Variants in LRRC4C observed in about 807,000 individuals in gnomAD.
LRRC4C encodes leucine-rich repeat-containing protein 4C.
LRRC4C carries 5 observed loss-of-function variants against 33.6 expected under a neutral mutation model. The ratio of observed to expected loss-of-function variants is 0.15; its 90% confidence interval spans 0.08 to 0.31. The LOEUF (loss-of-function observed/expected upper bound fraction) is 0.31. Ranked by LOEUF, LRRC4C falls within the 10% of genes least tolerant of loss-of-function variation. The probability of loss-of-function intolerance (pLI) is 1.00; values close to 1 mark genes in which losing one functional copy is unlikely to be tolerated. For missense variants in LRRC4C, 560 were observed against 796.7 expected (o/e 0.70, Z 3.58); for synonymous variants, 329 against 302.0 (o/e 1.09, Z -0.93).
intron 3 of LRRC4C, among the ~76,000 whole-genome samples, chr11:40,503,962 C>A (rs991125143): frequency 6.6e-6 from 1 of 152,040 alleles, no homozygotes; most frequent in African/African-American, 2.4e-5. Context: ...TGGCAGTAAA[C>A]CATGGCGTTT....
At chr11:40,381,029 C>T (rs1948843047) in intron 3 of LRRC4C, among the ~76,000 whole-genome samples, 1 of 152,108 alleles carries the variant, frequency 6.6e-6, no homozygotes, top group Admixed American at 6.6e-5. Context: ...CATTGTTTCC[C>T]TAACAACCGC....
chr11:40,605,526 T>G (rs1218667743), intron 3 of LRRC4C, among the ~76,000 whole-genome samples: 2 of 152,132 alleles, frequency 1.3e-5, no homozygotes, highest in Admixed American at 6.6e-5. Flanking sequence ...GGAAAATTTA[T>G]TGCACTTGTT....
At chr11:40,445,895 T>C (rs1951613454) in intron 3 of LRRC4C, 1 of 152,266 alleles carries the variant, frequency 6.6e-6, no homozygotes, top group African/African-American at 2.4e-5. Context: ...CAGGAGGTTT[T>C]CCCACACTCA....
At chr11:40,853,009 A>G (rs955584537) in intron 2 of LRRC4C, among the ~76,000 whole-genome samples, 3 of 152,214 alleles carry the variant, frequency 2.0e-5, no homozygotes, top group Non-Finnish European at 4.4e-5. Flanking sequence ...AGATGTTTTT[A>G]TCAATGCTGA....
At chr11:40,776,958 A>G (rs1028519904) in intron 2 of LRRC4C, among the ~76,000 whole-genome samples, 1 of 152,130 alleles carries the variant, frequency 6.6e-6, no homozygotes. Flanking sequence ...GAATTTTTTG[A>G]TATCTGCCTT....
At chr11:41,060,844 C>T (rs567179128) in intron 1 of LRRC4C, among the ~76,000 whole-genome samples, 1 of 152,134 alleles carries the variant, frequency 6.6e-6, no homozygotes, top group Non-Finnish European at 1.5e-5. Context: ...TCTCTGTCTT[C>T]ATTCTCTTAT....
chr11:40,429,568 T>TAAAAAAA (rs59538764), intron 3 of LRRC4C, among the ~76,000 whole-genome samples: 10 of 147,770 alleles, frequency 6.8e-5, no homozygotes, highest in African/African-American at 2.5e-4. Context: ...GCAATAATAA[T>TAAAAAAA]AAAAAAAAAA....
chr11:41,455,499 C>T (rs1956147810), intron 1 of LRRC4C, among the ~76,000 whole-genome samples: 1 of 152,110 alleles, frequency 6.6e-6, no homozygotes, highest in East Asian at 1.9e-4. Context: ...TAAGAATGTA[C>T]CACAAAAATT....
chr11:41,108,513 A>T (rs578180184), intron 1 of LRRC4C, among the ~76,000 whole-genome samples: 1 of 152,242 alleles, frequency 6.6e-6, no homozygotes, highest in African/African-American at 2.4e-5. Context: ...ATTTTGTGGA[A>T]CTTCAACCAA....
chr11:40,502,957 C>T (rs535858603), intron 3 of LRRC4C, among the ~76,000 whole-genome samples: 128 of 152,286 alleles, frequency 8.4e-4, no homozygotes, highest in Non-Finnish European at 1.5e-3. Context: ...CTGAAAACCA[C>T]CCACAACGTT....
intron 2 of LRRC4C, among the ~76,000 whole-genome samples, chr11:40,758,658 G>A (rs1949057148): frequency 1.3e-5 from 2 of 152,006 alleles, no homozygotes; most frequent in African/African-American, 4.8e-5. Flanking sequence ...TCTAGAAAAA[G>A]GAAGATGTAA....
intron 2 of LRRC4C, among the ~76,000 whole-genome samples, chr11:40,707,958 G>A (rs181652810): frequency 6.6e-6 from 1 of 152,160 alleles, no homozygotes; most frequent in South Asian, 2.1e-4. Flanking sequence ...ATGTGTCCAA[G>A]AATTCATCCA....
At chr11:40,853,366 C>T (rs1953607972) in intron 2 of LRRC4C, among the ~76,000 whole-genome samples, 1 of 148,662 alleles carries the variant, frequency 6.7e-6, no homozygotes, top group South Asian at 2.1e-4. Context: ...TATAATTGAA[C>T]TATGTTTATG....
At chr11:40,279,526 A>G (rs1943333023) in intron 4 of LRRC4C, among the ~76,000 whole-genome samples, 1 of 152,196 alleles carries the variant, frequency 6.6e-6, no homozygotes, top group Admixed American at 6.6e-5. Context: ...TGTTGTAAGA[A>G]AATCTCTTAT....
chr11:41,163,101 C>T (rs1441800808), intron 1 of LRRC4C, among the ~76,000 whole-genome samples: 3 of 151,952 alleles, frequency 2.0e-5, no homozygotes, highest in African/African-American at 4.8e-5. Flanking sequence ...GCATCTTCCT[C>T]ATTTTCTCTT....
chr11:41,336,224 T>C (rs1182652497), intron 1 of LRRC4C, among the ~76,000 whole-genome samples: 1 of 151,984 alleles, frequency 6.6e-6, no homozygotes, highest in East Asian at 1.9e-4. Context: ...GATGATTCAC[T>C]ATGAATTATA....
At chr11:40,304,561 ACTT>A (rs1320354662) in intron 4 of LRRC4C, among the ~76,000 whole-genome samples, 1 of 152,154 alleles carries the variant, frequency 6.6e-6, no homozygotes, top group African/African-American at 2.4e-5. Context: ...AGTATCTTTA[ACTT>A]CTTCTCTACC....
intron 2 of LRRC4C, among the ~76,000 whole-genome samples, chr11:40,793,538 A>G (rs911315873): frequency 3.3e-5 from 5 of 152,222 alleles, no homozygotes; most frequent in African/African-American, 1.2e-4. Flanking sequence ...AACTCATTTA[A>G]TACTCACAAC....
intron 1 of LRRC4C, among the ~76,000 whole-genome samples, chr11:41,379,979 C>T (rs1312818424): frequency 6.6e-6 from 1 of 151,940 alleles, no homozygotes; most frequent in Non-Finnish European, 1.5e-5. Flanking sequence ...CACATGCATG[C>T]ACACAAACAC....
Sources: gnomAD v4.1 joint callset for allele counts (sites outside exome capture counted in the v4.1 genomes callset) on GRCh38, gnomAD v4.1.1 for gene constraint, MANE v1.5 for transcripts, NCBI Gene and HGNC (gene_info 2026-07-23, HGNC 2026-07-21) for gene names.